The following CNGA1 variants were observed in gnomAD, a reference collection of about 807,000 sequenced individuals.
CNGA1 encodes cyclic nucleotide-gated channel alpha-1.
In CNGA1, 53 loss-of-function variants were observed where a neutral mutation model predicts 69.7. The ratio of observed to expected loss-of-function variants is 0.76; its 90% CI spans 0.61 to 0.96. The LOEUF (loss-of-function observed/expected upper bound fraction) is 0.96, where lower values mean the gene tolerates loss of function less well. Ranked by LOEUF, CNGA1 falls within the 40% of genes least tolerant of loss-of-function variation. CNGA1 has a pLI of 0.00. For missense variants in CNGA1, 739 were observed against 811.2 expected, an observed-to-expected ratio of 0.91 and a Z score of 1.08; for synonymous variants, 249 against 283.5, an observed-to-expected ratio of 0.88 and a Z score of 1.22.
At chr4:47,980,021 A>G (rs1452307407) in intron 3 of CNGA1, among the ~76,000 whole-genome samples, 2 of 152,196 alleles carry the variant, frequency 1.3e-5, no homozygotes, top group Non-Finnish European at 2.9e-5. Flanking sequence ...TTTGTTAACA[A>G]TGTTTGTAAA....
At chr4:47,972,549 A>C (rs1741098638) in intron 3 of CNGA1, among the ~76,000 whole-genome samples, 2 of 152,192 alleles carry the variant, frequency 1.3e-5, no homozygotes, top group Admixed American at 1.3e-4. Context: ...CAGATTTAAA[A>C]GTTTTCCTCA....
At chr4:47,954,861 G>A (rs1016940241) in intron 3 of CNGA1, among the ~76,000 whole-genome samples, 11 of 152,172 alleles carry the variant, frequency 7.2e-5, no homozygotes, top group Non-Finnish European at 4.4e-5. Context: ...ATTCTGTGCC[G>A]TTGATGACTA....
At chr4:47,962,205 G>A (rs970791891) in intron 3 of CNGA1, among the ~76,000 whole-genome samples, 13 of 152,024 alleles carry the variant, frequency 8.6e-5, no homozygotes, top group African/African-American at 3.1e-4. Context: ...TTAGCTGGGT[G>A]TGGTGGTGTG....
chr4:47,986,305 G>T (rs1280367180), intron 2 of CNGA1, among the ~76,000 whole-genome samples: 1 of 152,000 alleles, frequency 6.6e-6, no homozygotes, highest in Non-Finnish European at 1.5e-5. Context: ...TATTTGGGAG[G>T]CTGAGGCAGG....
rs1481841889 is a variant in CNGA1, at chr4:47,981,480, G to T, written c.-102C>A. Reference sequence around the variant, plus strand: ...CAAACAGGGATATACGGTAAATCTTGACATTGTCAAAATCCAGGCCCTAAT... The same window carrying T: ...CAAACAGGGATATACGGTAAATCTTTACATTGTCAAAATCCAGGCCCTAAT... On this transcript the variant is annotated 5_prime_UTR_variant, in exon 3 of 11. An upstream open reading frame in the 5' UTR gains an earlier in-frame stop. Transcript: ENST00000514170. 6.6e-6 allele frequency: 1 copy of T among 152,158 alleles called. No individual in the cohort carries two copies. Among genetic ancestry groups the T allele is most frequent in the Non-Finnish European group, 1.5e-5 (1 of 68,030 alleles). The allele number at this position is 152,158 out of a possible 1,614,324, so 9.4% of individuals were successfully genotyped here.
chr4:47,974,101 T>C (rs1383548693), intron 3 of CNGA1, among the ~76,000 whole-genome samples: 1 of 151,702 alleles, frequency 6.6e-6, no homozygotes, highest in Non-Finnish European at 1.5e-5. Context: ...GATAGATAGA[T>C]AGATAGATAG....
At chr4:47,971,020 G>T (rs748624136) in intron 3 of CNGA1, 2 of 454,198 alleles carry the variant, frequency 4.4e-6, no homozygotes, top group South Asian at 1.6e-5. Context: ...GCTGGAAATC[G>T]CTTGAATCTG....
intron 2 of CNGA1, among the ~76,000 whole-genome samples, chr4:47,989,498 CT>C (rs376846108): frequency 0.016 from 2,427 of 152,082 alleles, 67 homozygotes; most frequent in African/African-American, 0.056. Flanking sequence ...TTCAAGCCCC[CT>C]CATAAATTAC....
At chr4:47,972,486 A>C (rs1578099779) in intron 3 of CNGA1, among the ~76,000 whole-genome samples, 3 of 152,280 alleles carry the variant, frequency 2.0e-5, no homozygotes, top group Non-Finnish European at 4.4e-5. Context: ...ATTCTGCTAG[A>C]CCTATGGAAG....
At chr4:47,974,350 A>C (rs577872864) in intron 3 of CNGA1, among the ~76,000 whole-genome samples, 1 of 149,800 alleles carries the variant, frequency 6.7e-6, no homozygotes, top group South Asian at 2.1e-4. Flanking sequence ...TTTCTAAATG[A>C]AAAAAGTCAT....
intron 8 of CNGA1, 26 bp from the exon 9 acceptor site, chr4:47,942,174 A>T: frequency 2.9e-6 from 4 of 1,356,454 alleles, no homozygotes; most frequent in Non-Finnish European, 3.2e-6. Flanking sequence ...AATAAAGGGG[A>T]TAGTTACCAA....
chr4:47,986,074 A>G (rs1741966195), intron 2 of CNGA1, among the ~76,000 whole-genome samples: 1 of 152,154 alleles, frequency 6.6e-6, no homozygotes, highest in Admixed American at 6.6e-5. Flanking sequence ...TGTACCCATT[A>G]TGCTGCAATG....
chr4:48,008,358 AC>A (rs575498322), intron 2 of CNGA1, among the ~76,000 whole-genome samples: 2 of 152,138 alleles, frequency 1.3e-5, no homozygotes, highest in Non-Finnish European at 2.9e-5. Flanking sequence ...AAGCTTTCTT[AC>A]CAAAATATAC....
At chr4:47,969,240 G>A (rs1740885689) in intron 3 of CNGA1, among the ~76,000 whole-genome samples, 1 of 151,848 alleles carries the variant, frequency 6.6e-6, no homozygotes, top group Admixed American at 6.6e-5. Context: ...CCCACCCCCA[G>A]GAGACACCTC....
At chr4:48,004,156 C>CCT (rs535988810) in intron 2 of CNGA1, among the ~76,000 whole-genome samples, 1 of 151,558 alleles carries the variant, frequency 6.6e-6, no homozygotes, top group African/African-American at 2.4e-5. Context: ...CTCTCTTTCT[C>CCT]CTCTCTCTCT....
At position 47,936,674 on chromosome 4, in the gene CNGA1, C is replaced by A. The variant is rs1232716065; in HGVS notation, c.1808G>T (p.Gly603Val). 1 of 1,614,160 alleles carries A rather than the reference C, an allele frequency of 6.2e-7. No individual in the cohort carries two copies. The highest frequency in any genetic ancestry group is 2.2e-5 in the East Asian group (1 of 44,888). ...ATTTGCAATGTTTAGATCCAGTAGACCATCTTTCATTAAAATCTGCTTCCC... is the reference window on the plus strand; with the variant it reads ...ATTTGCAATGTTTAGATCCAGTAGAACATCTTTCATTAAAATCTGCTTCCC... ...EKGKQILMKDGLLDLNIANAG... is the reference protein window; with the variant it reads ...EKGKQILMKDVLLDLNIANAG... Residue 603 changes from glycine to valine, a missense_variant, in exon 11 of 11, where the codon GGT (glycine) becomes GTT (valine). Transcript: ENST00000514170.
At chr4:47,982,539 GAAAGA>G (rs1351775211) in intron 2 of CNGA1, among the ~76,000 whole-genome samples, 1 of 151,616 alleles carries the variant, frequency 6.6e-6, no homozygotes, top group Non-Finnish European at 1.5e-5. Context: ...ATTACAGAAA[GAAAGA>G]AAAGAAAATG....
At chr4:48,002,701 A>G in intron 2 of CNGA1, among the ~76,000 whole-genome samples, 1 of 105,554 alleles carries the variant, frequency 9.5e-6, no homozygotes, top group Non-Finnish European at 2.2e-5. Flanking sequence ...AAAAAAAAAC[A>G]AAAACAAAAA....
rs1340593797 is a variant in CNGA1 at position 47,943,297 on chromosome 4, A to G, written c.330-9T>C. Reference sequence around the variant, plus strand: ...TTTTATCATCTGACTTGCTGAAAAAATTAAGCAAGTAGTATTAAAATACAG... The same window carrying G: ...TTTTATCATCTGACTTGCTGAAAAAGTTAAGCAAGTAGTATTAAAATACAG... On this transcript the variant is annotated splice_polypyrimidine_tract_variant and intron_variant, in intron 7 of 10. Transcript: ENST00000514170. The G allele has an allele frequency of 6.5e-6, 10 of 1,544,190 alleles. No homozygotes were observed. Among genetic ancestry groups the G allele is most frequent in the East Asian group, 2.4e-5 (1 of 40,870 alleles).
Sources: gnomAD v4.1 joint callset for allele counts (sites outside exome capture counted in the v4.1 genomes callset) on GRCh38, gnomAD v4.1.1 for gene constraint, MANE v1.5 for transcripts, NCBI Gene and HGNC (gene_info 2026-07-23, HGNC 2026-07-21) for gene names.